OCA2: variants seen among roughly 807,000 people sequenced by gnomAD.
The protein encoded by OCA2 is P protein.
In OCA2, 77 loss-of-function variants were observed where a neutral mutation model predicts 100.2. The observed-to-expected ratio is 0.77, with a 90% confidence interval of 0.64 to 0.93. OCA2 has a LOEUF of 0.93. Among genes scored for constraint, OCA2 ranks in the 40% least tolerant of loss-of-function variants. The pLI, the probability that OCA2 is intolerant of heterozygous loss-of-function variation, is 0.00. For synonymous variants in OCA2, 432 were observed against 439.2 expected (o/e 0.98, Z 0.21); for missense variants, 1,062 against 1,089.1 (o/e 0.98, Z 0.35).
intron 23 of OCA2, among the ~76,000 whole-genome samples, chr15:27,831,983 C>G (rs1409854790): frequency 6.6e-6 from 1 of 151,584 alleles, no homozygotes; most frequent in Non-Finnish European, 1.5e-5. Flanking sequence ...CGTGCTCAGG[C>G]GCCTTCTCTC....
At chr15:27,989,958 G>A (rs2041495531) in intron 10 of OCA2, among the ~76,000 whole-genome samples, 1 of 152,142 alleles carries the variant, frequency 6.6e-6, no homozygotes, top group Non-Finnish European at 1.5e-5. Context: ...AGTGGAGTCT[G>A]TATGTGCTCT....
chr15:27,781,871 T>G (rs1177678218), intron 23 of OCA2, among the ~76,000 whole-genome samples: 1 of 152,198 alleles, frequency 6.6e-6, no homozygotes, highest in Non-Finnish European at 1.5e-5. Context: ...AAACCTTCAT[T>G]TTACACACAG....
downstream of OCA2, among the ~76,000 whole-genome samples, chr15:27,750,800 C>T (rs2030040615): frequency 6.6e-6 from 1 of 152,174 alleles, no homozygotes; most frequent in South Asian, 2.1e-4. Flanking sequence ...GAGGTCTGTG[C>T]CAAAAGGCAA....
the OCA2 span, among the ~76,000 whole-genome samples, chr15:27,744,220 A>G: frequency 6.6e-6 from 1 of 152,176 alleles, no homozygotes; most frequent in African/African-American, 2.4e-5. Flanking sequence ...GATCTTTAAG[A>G]CCTGGTGGGG....
intron 19 of OCA2, among the ~76,000 whole-genome samples, chr15:27,905,666 C>T (rs548917596): frequency 1.3e-5 from 2 of 152,350 alleles, no homozygotes; most frequent in Admixed American, 6.5e-5. Flanking sequence ...AGCGGGGTTC[C>T]GCAAGGCAGG....
chr15:27,820,102 C>A (rs910106106), intron 23 of OCA2, among the ~76,000 whole-genome samples: 2 of 138,578 alleles, frequency 1.4e-5, no homozygotes, highest in Non-Finnish European at 3.2e-5. Flanking sequence ...TAACTCAAAG[C>A]ACAAAATAAA....
At chr15:28,004,277 C>T (rs1393474213) in intron 9 of OCA2, among the ~76,000 whole-genome samples, 1 of 148,840 alleles carries the variant, frequency 6.7e-6, no homozygotes, top group Non-Finnish European at 1.5e-5. Context: ...CCCTGCTAGG[C>T]GCCCTGTGGC....
At chr15:27,764,137 C>T (rs2031067535) in intron 23 of OCA2, among the ~76,000 whole-genome samples, 1 of 147,684 alleles carries the variant, frequency 6.8e-6, no homozygotes, top group Non-Finnish European at 1.5e-5. Flanking sequence ...GGAGAGGGAT[C>T]AGAGAGGGAT....
intron 23 of OCA2, among the ~76,000 whole-genome samples, chr15:27,795,601 C>A (rs1425873366): frequency 6.6e-6 from 1 of 152,238 alleles, no homozygotes; most frequent in Non-Finnish European, 1.5e-5. Context: ...TCTTCAACAA[C>A]CATCTCTCTA....
At chr15:28,093,184 A>G (rs113505113) in intron 1 of OCA2, among the ~76,000 whole-genome samples, 6,181 of 152,220 alleles carry the variant, frequency 0.041, 429 homozygotes, top group African/African-American at 0.14. Flanking sequence ...CACACCTGGA[A>G]GCCGAGGCAG....
chr15:27,896,100 G>C (rs1054577855), intron 19 of OCA2: 1 of 1,166,228 alleles, frequency 8.6e-7, no homozygotes, highest in African/African-American at 1.5e-5. Context: ...AAGCATTGAT[G>C]GTCAGCCAAG....
intron 18 of OCA2, among the ~76,000 whole-genome samples, chr15:27,932,086 G>A (rs1379297458): frequency 6.6e-6 from 1 of 152,170 alleles, no homozygotes; most frequent in East Asian, 1.9e-4. Context: ...TATACTTAAT[G>A]CAATACTATA....
intron 23 of OCA2, among the ~76,000 whole-genome samples, chr15:27,770,420 G>A (rs1318361413): frequency 6.6e-6 from 1 of 152,212 alleles, no homozygotes; most frequent in Non-Finnish European, 1.5e-5. Flanking sequence ...GGCAGAAGAG[G>A]CTCATTGCCG....
intron 14 of OCA2, among the ~76,000 whole-genome samples, chr15:27,972,146 T>C (rs1002817539): frequency 2.6e-5 from 4 of 152,216 alleles, no homozygotes; most frequent in African/African-American, 9.7e-5. Flanking sequence ...GCAAAAGACA[T>C]TAGTTCATTC....
chr15:27,948,659 T>A (rs1282854555), intron 18 of OCA2, among the ~76,000 whole-genome samples: 1 of 152,012 alleles, frequency 6.6e-6, no homozygotes, highest in Non-Finnish European at 1.5e-5. Context: ...AGAGACGGGA[T>A]TTTGCCATGT....
intron 18 of OCA2, among the ~76,000 whole-genome samples, chr15:27,941,722 T>C (rs915608949): frequency 6.6e-6 from 1 of 152,184 alleles, no homozygotes; most frequent in East Asian, 1.9e-4. Flanking sequence ...TATGTGTGCA[T>C]GATGCTCAGG....
chr15:28,085,641 C>T (rs982640096), intron 1 of OCA2, among the ~76,000 whole-genome samples: 4 of 152,108 alleles, frequency 2.6e-5, no homozygotes, highest in Non-Finnish European at 4.4e-5. Flanking sequence ...ACAGTGGAGC[C>T]CACCTGCTCC....
chr15:27,918,896 A>G (rs2038764719), intron 19 of OCA2, among the ~76,000 whole-genome samples: 1 of 152,202 alleles, frequency 6.6e-6, no homozygotes, highest in Admixed American at 6.5e-5. Context: ...CCCAGTGTCA[A>G]GGTAACTGAA....
At chr15:27,801,544 C>T (rs1448633531) in intron 23 of OCA2, among the ~76,000 whole-genome samples, 23 of 86,362 alleles carry the variant, frequency 2.7e-4, no homozygotes, top group African/African-American at 1.1e-3. Flanking sequence ...GAGTGAGACT[C>T]GGTCTCAAAA....
Sources: allele counts gnomAD v4.1 joint callset (sites outside exome capture counted in the v4.1 genomes callset), GRCh38; gene constraint gnomAD v4.1.1; transcripts MANE v1.5; gene names NCBI Gene and HGNC (gene_info 2026-07-23, HGNC 2026-07-21).